Variants in MYO5B observed in about 807,000 individuals in gnomAD.
The protein encoded by MYO5B is unconventional myosin-Vb.
Under a neutral mutation model 229.3 loss-of-function variants are expected in MYO5B, and 143 were observed. The ratio of observed to expected loss-of-function variants is 0.62; its 90% CI spans 0.54 to 0.72. The LOEUF is 0.72. MYO5B is among the 30% of genes least tolerant of loss of function. The pLI, the probability that MYO5B is intolerant of heterozygous loss-of-function variation, is 0.00. For missense variants in MYO5B, 2,321 were observed against 2,331.0 expected (o/e 1.00, Z 0.09); for synonymous variants, 918 against 885.2 (o/e 1.04, Z -0.66).
At chr18:50,166,699 T>A (rs2032857422) in intron 1 of MYO5B, among the ~76,000 whole-genome samples, 1 of 152,188 alleles carries the variant, frequency 6.6e-6, no homozygotes, top group African/African-American at 2.4e-5. Context: ...ATTTATCAGT[T>A]TGAAGTTTTG....
chr18:50,134,121 A>G lies in MYO5B; in HGVS notation c.27+60646T>C, dbSNP rs2032297525. 2.0e-5 allele frequency among the ~76,000 whole-genome samples: 3 copies of G among 152,228 alleles called. No homozygotes were observed. The South Asian group carries it at 6.2e-4, about 32-fold the overall frequency. ...GAACTGCCTGACTGGGGACAAAGGC[A>G]GAAGGAAAACATCACCATATTGCTT... On this transcript the variant is annotated intron_variant, in intron 1 of 39. Transcript: ENST00000285039.
intron 1 of MYO5B, among the ~76,000 whole-genome samples, chr18:50,145,497 C>CAAAAAAAAAAAAAAAAA (rs369507800): frequency 1.3e-4 from 9 of 70,008 alleles, no homozygotes; most frequent in African/African-American, 4.6e-4. Context: ...GACTCCATCT[C>CAAAAAAAAAAAAAAAAA]AAAAAAAAAA....
In MYO5B at chr18:49,877,749, C is replaced by G. The variant is rs1362791172; in HGVS notation, c.3396+14G>C. On this transcript the variant is annotated intron_variant, in intron 25 of 39. Coordinates refer to ENST00000285039, the MANE Select transcript of MYO5B (RefSeq NM_001080467.3). Reference sequence around the variant, plus strand: ...TCTGGAGGAGGACAGTACCCAAGAGCCTGCATCACTCACCTCCACCTGCTG... The same window carrying G: ...TCTGGAGGAGGACAGTACCCAAGAGGCTGCATCACTCACCTCCACCTGCTG... 2 of 1,613,794 alleles carry G rather than the reference C, an allele frequency of 1.2e-6. No homozygotes were observed. The highest frequency in any genetic ancestry group is 1.7e-5 in the Admixed American group (1 of 60,016).
intron 39 of MYO5B, among the ~76,000 whole-genome samples, chr18:49,829,001 AT>A (rs1438267038): frequency 1.3e-5 from 2 of 152,132 alleles, no homozygotes; most frequent in African/African-American, 4.8e-5. Context: ...AAGAAATGAA[AT>A]AACATAAATT....
chr18:50,044,537 C>T (rs954364853), intron 2 of MYO5B, among the ~76,000 whole-genome samples: 1 of 152,062 alleles, frequency 6.6e-6, no homozygotes, highest in Non-Finnish European at 1.5e-5. Flanking sequence ...GAATCAGGAA[C>T]AGATGGAGGT....
chr18:50,119,964 A>T (rs1455526807), intron 1 of MYO5B, among the ~76,000 whole-genome samples: 3 of 151,986 alleles, frequency 2.0e-5, no homozygotes, highest in African/African-American at 7.3e-5. Context: ...CATAGCTCCA[A>T]AGTTGAATAT....
In MYO5B at chr18:49,822,991, C is replaced by G. The variant is rs1320486868; in HGVS notation, c.*3480G>C. 1 of 151,876 alleles carries G rather than the reference C, an allele frequency of 6.6e-6. No homozygotes were observed. The allele number at this position is 151,876 out of a possible 1,614,324, so 9.4% of individuals were successfully genotyped here. A position where few individuals can be genotyped will look rare whatever the true frequency, so the allele number is the denominator to read the frequency against. On this transcript the variant is annotated 3_prime_UTR_variant, in exon 40 of 40. Coordinates refer to ENST00000285039, the MANE Select transcript of MYO5B (RefSeq NM_001080467.3). ...GATTCACCCCTGAATATGATCTGAA[C>G]TCTTTCAGAGAGGCAGTCCTTCATC... is the stretch of plus-strand genomic sequence containing the variant.
chr18:49,847,432 GGGGGCATACT>G, intron 32 of MYO5B, 143 bp from the exon 33 acceptor site: 1 of 1,034,956 alleles, frequency 9.7e-7, no homozygotes, highest in East Asian at 2.6e-5. Context: ...ACCTGGGGCA[GGGGGCATACT>G]GGGTTCTCCA....
At chr18:50,007,140 G>C (rs1260356524) in intron 4 of MYO5B, among the ~76,000 whole-genome samples, 1 of 152,136 alleles carries the variant, frequency 6.6e-6, no homozygotes, top group Admixed American at 6.5e-5. Flanking sequence ...CACTAAATGA[G>C]GGCTCGCTGT....
At chr18:49,847,591 A>G (rs2024146568) in intron 32 of MYO5B, among the ~76,000 whole-genome samples, 1 of 152,216 alleles carries the variant, frequency 6.6e-6, no homozygotes, top group Non-Finnish European at 1.5e-5. Flanking sequence ...CAGGTTTCAG[A>G]CCAGAGAAAA....
At chr18:49,998,685 A>G (rs527847980) in intron 5 of MYO5B, among the ~76,000 whole-genome samples, 2 of 152,368 alleles carry the variant, frequency 1.3e-5, no homozygotes, top group African/African-American at 2.4e-5. Flanking sequence ...TTCAATCATG[A>G]AAAGGAGCAA....
At chr18:49,858,146 C>A (rs1054952757) in intron 29 of MYO5B, among the ~76,000 whole-genome samples, 5 of 152,234 alleles carry the variant, frequency 3.3e-5, no homozygotes, top group Non-Finnish European at 7.3e-5. Flanking sequence ...GAGACTGTTT[C>A]AGGCCACGAT....
intron 12 of MYO5B, among the ~76,000 whole-genome samples, chr18:49,960,936 CCACACCAGCTTAG>C (rs2025551879): frequency 6.6e-6 from 1 of 152,178 alleles, no homozygotes; most frequent in South Asian, 2.1e-4. Context: ...CCCCAGGGAG[CCACACCAGCTTAG>C]CATCCCAGAG....
chr18:50,047,512 C>A (rs2144404259), intron 2 of MYO5B, among the ~76,000 whole-genome samples: 1 of 152,298 alleles, frequency 6.6e-6, no homozygotes, highest in African/African-American at 2.4e-5. Context: ...CTAGTTCAAC[C>A]ATTGTGGAAG....
At chr18:50,006,231 T>C (rs1248592637) in intron 4 of MYO5B, among the ~76,000 whole-genome samples, 1 of 152,108 alleles carries the variant, frequency 6.6e-6, no homozygotes, top group Admixed American at 6.5e-5. Flanking sequence ...GGGGGAGATG[T>C]TTACAAGTAC....
chr18:49,956,735 A>G (rs2025496456), intron 12 of MYO5B, among the ~76,000 whole-genome samples: 1 of 152,154 alleles, frequency 6.6e-6, no homozygotes, highest in African/African-American at 2.4e-5. Flanking sequence ...CTGAGCCAGG[A>G]GCCGGGACCA....
chr18:50,096,344 C>T (rs1195491247), intron 1 of MYO5B, among the ~76,000 whole-genome samples: 1 of 152,120 alleles, frequency 6.6e-6, no homozygotes, highest in African/African-American at 2.4e-5. Flanking sequence ...CAAATTCCCC[C>T]CTTTCCCCCT....
chr18:49,823,938 A>T lies in MYO5B; in HGVS notation c.*2533T>A, dbSNP rs995783943. On this transcript the variant is annotated 3_prime_UTR_variant, in exon 40 of 40. Coordinates refer to ENST00000285039, the MANE Select transcript of MYO5B (RefSeq NM_001080467.3). Reference sequence around the variant, plus strand: ...AAAACTCCCCCATGATATCACCTTGAACATTAAAATTATTCCCACAGCAAC... The same window carrying T: ...AAAACTCCCCCATGATATCACCTTGTACATTAAAATTATTCCCACAGCAAC... The T allele has an allele frequency of 6.6e-6, 1 of 152,666 alleles. No homozygotes were observed. Among genetic ancestry groups the T allele is most frequent in the African/African-American group, 2.4e-5 (1 of 41,456 alleles). 9.5% of individuals were successfully genotyped at this position (152,666 alleles called of 1,614,324 possible). A position where few individuals can be genotyped will look rare whatever the true frequency, so the allele number is the denominator to read the frequency against.
chr18:49,841,529 C>T (rs948554807), intron 34 of MYO5B, 75 bp from the exon 35 acceptor site: 2 of 1,324,552 alleles, frequency 1.5e-6, no homozygotes, highest in Admixed American at 1.7e-5. Flanking sequence ...ACCTCTTTCC[C>T]CACATTTCCT....
Sources: allele counts gnomAD v4.1 joint callset (sites outside exome capture counted in the v4.1 genomes callset), GRCh38; gene constraint gnomAD v4.1.1; transcripts MANE v1.5; gene names NCBI Gene and HGNC (gene_info 2026-07-23, HGNC 2026-07-21).